The following GLIPR1L1 variants were observed in gnomAD, a reference collection of about 807,000 sequenced individuals.
GLIPR1L1 encodes the protein GLIPR1-like protein 1.
Under a neutral mutation model 29.9 loss-of-function variants are expected in GLIPR1L1, and 26 were observed. The observed-to-expected ratio is 0.87, with a 90% CI of 0.64 to 1.21. The LOEUF (loss-of-function observed/expected upper bound fraction) is 1.21. GLIPR1L1 is among the 50% of genes most tolerant of loss of function. The pLI is 0.00. For synonymous variants in GLIPR1L1, 77 were observed against 97.5 expected, an observed-to-expected ratio of 0.79 and a Z score of 1.24; for missense variants, 305 against 290.3, an observed-to-expected ratio of 1.05 and a Z score of -0.37.
intron 1 of GLIPR1L1, among the ~76,000 whole-genome samples, chr12:75,342,061 C>A (rs2042160253): frequency 6.6e-6 from 1 of 152,086 alleles, no homozygotes; most frequent in Non-Finnish European, 1.5e-5. Context: ...ATACAACATT[C>A]TTGAAATAAC....
intron 3 of GLIPR1L1, among the ~76,000 whole-genome samples, chr12:75,355,072 A>T (rs2043062713): frequency 6.6e-6 from 1 of 152,228 alleles, no homozygotes; most frequent in Admixed American, 6.5e-5. Flanking sequence ...AGGCATGGGC[A>T]AACGTTTCAA....
At chr12:75,367,350 A>G (rs1227371800) in intron 4 of GLIPR1L1, among the ~76,000 whole-genome samples, 1 of 151,040 alleles carries the variant, frequency 6.6e-6, no homozygotes, top group East Asian at 1.9e-4. Flanking sequence ...TTGTATAACT[A>G]TACCAAAGTA....
At chr12:75,369,938 T>A (rs1433059056) in intron 4 of GLIPR1L1, 22 bp from the exon 5 acceptor site, 1 of 1,211,154 alleles carries the variant, frequency 8.3e-7, no homozygotes, top group South Asian at 1.6e-5. Context: ...TTTTATAATA[T>A]TAACTTTAAT....
chr12:75,368,758 G>C (rs988628273), intron 4 of GLIPR1L1, among the ~76,000 whole-genome samples: 2 of 151,858 alleles, frequency 1.3e-5, no homozygotes, highest in Non-Finnish European at 2.9e-5. Flanking sequence ...GTTACAGTGT[G>C]TATAAGATTC....
chr12:75,340,427 C>G (rs1193302859), intron 1 of GLIPR1L1, among the ~76,000 whole-genome samples: 1 of 151,390 alleles, frequency 6.6e-6, no homozygotes, highest in Non-Finnish European at 1.5e-5. Context: ...ACCTAAAGAG[C>G]AAAAATTAAC....
Position 75,334,692 on chromosome 12 carries a change from G to T in GLIPR1L1, c.-37G>T, listed in dbSNP as rs2041591068. 6.3e-7 allele frequency: 1 copy of T among 1,591,996 alleles called. No individual in the cohort carries two copies. Among genetic ancestry groups the T allele is most frequent in the Non-Finnish European group, 8.6e-7 (1 of 1,168,910 alleles). Reference sequence around the variant, plus strand: ...GTTGCCCCAGCCGTTACTGGTCCGCGCAGTCAGGGCATCCTCCGCATCCTC... The same window carrying T: ...GTTGCCCCAGCCGTTACTGGTCCGCTCAGTCAGGGCATCCTCCGCATCCTC... On this transcript the variant is annotated 5_prime_UTR_variant, in exon 1 of 6. Transcript: ENST00000378695.
At chr12:75,355,623 G>A (rs183362138) in intron 3 of GLIPR1L1, among the ~76,000 whole-genome samples, 220 of 152,142 alleles carry the variant, frequency 1.4e-3, no homozygotes, top group Admixed American at 3.3e-3. Context: ...CAATCCCATC[G>A]CTAGGTATAT....
chr12:75,349,771 T>G (rs2139421979), intron 3 of GLIPR1L1, among the ~76,000 whole-genome samples: 1 of 152,248 alleles, frequency 6.6e-6, no homozygotes, highest in East Asian at 1.9e-4. Flanking sequence ...AGTTCAAGAC[T>G]GCAGTGAGCC....
chr12:75,342,891 CTT>C (rs2042210273), intron 1 of GLIPR1L1, among the ~76,000 whole-genome samples: 1 of 151,890 alleles, frequency 6.6e-6, no homozygotes, highest in African/African-American at 2.4e-5. Flanking sequence ...TTGTATATCA[CTT>C]ATTAAATTTA....
intron 3 of GLIPR1L1, chr12:75,359,805 T>C (rs937990071): frequency 1.3e-5 from 2 of 152,170 alleles, no homozygotes; most frequent in East Asian, 1.9e-4. Context: ...TCTATACAAC[T>C]ACAAAAATTA....
At chr12:75,349,132 C>T (rs996847361) in intron 3 of GLIPR1L1, among the ~76,000 whole-genome samples, 1 of 152,034 alleles carries the variant, frequency 6.6e-6, no homozygotes, top group African/African-American at 2.4e-5. Context: ...AACACATGCA[C>T]GTGAGGAAAC....
chr12:75,350,066 C>A (rs987528536), intron 3 of GLIPR1L1, among the ~76,000 whole-genome samples: 1 of 152,252 alleles, frequency 6.6e-6, no homozygotes, highest in African/African-American at 2.4e-5. Flanking sequence ...GCCAGCAAGA[C>A]TGACTGGTTT....
Position 75,351,692 on chromosome 12 carries a change from G to A in GLIPR1L1, c.521+3970G>A, listed in dbSNP as rs896648478. 7.2e-5 allele frequency among the ~76,000 whole-genome samples: 11 copies of A among 151,994 alleles called. No individual in the cohort carries two copies. The East Asian group carries it at 1.2e-3, about 16-fold the overall frequency. Reference sequence around the variant, plus strand: ...CTCCTGAGTAGCTGGGATTAGAGGCGCTCCCCACCACACCCAGCTAATTTT... The same window carrying A: ...CTCCTGAGTAGCTGGGATTAGAGGCACTCCCCACCACACCCAGCTAATTTT... On this transcript the variant is annotated intron_variant, in intron 3 of 5. Transcript: ENST00000378695.
At chr12:75,344,542 TAG>T (rs1296610501) in intron 2 of GLIPR1L1, among the ~76,000 whole-genome samples, 2 of 152,152 alleles carry the variant, frequency 1.3e-5, no homozygotes, top group Non-Finnish European at 2.9e-5. Context: ...GCATATGAGA[TAG>T]AGTTGCAATA....
intron 3 of GLIPR1L1, among the ~76,000 whole-genome samples, chr12:75,351,354 T>C (rs2042796875): frequency 6.6e-6 from 1 of 152,000 alleles, no homozygotes; most frequent in Non-Finnish European, 1.5e-5. Context: ...AGATACTCCA[T>C]GAGAAGATCA....
At chr12:75,345,097 T>A (rs973193392) in intron 2 of GLIPR1L1, among the ~76,000 whole-genome samples, 4 of 152,102 alleles carry the variant, frequency 2.6e-5, no homozygotes, top group African/African-American at 9.7e-5. Flanking sequence ...TGTGTCACTG[T>A]ACAATTCTCA....
chr12:75,362,883 A>G (rs1369168755), intron 3 of GLIPR1L1, among the ~76,000 whole-genome samples: 5 of 152,190 alleles, frequency 3.3e-5, no homozygotes, highest in Non-Finnish European at 5.9e-5. Context: ...ATTCTTCTAT[A>G]GAATATTCAA....
At chr12:75,347,915 T>C (rs1247348260) in intron 3 of GLIPR1L1, among the ~76,000 whole-genome samples, 193 bp downstream of exon 3, 1 of 152,194 alleles carries the variant, frequency 6.6e-6, no homozygotes, top group Non-Finnish European at 1.5e-5. Context: ...AAATTATACC[T>C]ATTATAAGAT....
chr12:75,370,063 GTTTTGT>G lies in GLIPR1L1; in HGVS notation c.638-10_638-5del. ...ATCAATTGAACTCTTAACTATTCTG[GTTTTGT>G]TTTTGTTTTTGACAGAAAATCCATT... On this transcript the variant is annotated splice_polypyrimidine_tract_variant and intron_variant, in intron 5 of 5. Transcript: ENST00000378695. 1 of 1,487,250 alleles carries G rather than the reference GTTTTGT, an allele frequency of 6.7e-7. No homozygotes were observed. Among genetic ancestry groups the G allele is most frequent in the Non-Finnish European group, 9.3e-7 (1 of 1,071,634 alleles). The allele number at this position is 1,487,250 out of a possible 1,614,324, so 92.1% of individuals were successfully genotyped here.
Sources: gnomAD v4.1 joint callset for allele counts (sites outside exome capture counted in the v4.1 genomes callset) on GRCh38, gnomAD v4.1.1 for gene constraint, MANE v1.5 for transcripts, NCBI Gene and HGNC (gene_info 2026-07-23, HGNC 2026-07-21) for gene names.